The following NAA20 variants were observed in gnomAD, a reference collection of about 807,000 sequenced individuals.
The protein encoded by NAA20 is N-alpha-acetyltransferase 20, NatB catalytic subunit, also known as N-alpha-acetyltransferase 20.
Under a neutral mutation model 23.8 loss-of-function variants are expected in NAA20, and 24 were observed. The ratio of observed to expected loss-of-function variants is 1.01; its 90% confidence interval spans 0.73 to 1.42. The LOEUF is 1.42. NAA20 is among the 40% of genes most tolerant of loss of function. The pLI is 0.00. For missense variants in NAA20, 166 were observed against 223.1 expected (o/e 0.74, Z 1.63); for synonymous variants, 83 against 77.7 (o/e 1.07, Z -0.36).
chr20:20,018,312 C>T (rs1046701002), intron 1 of NAA20: 5 of 535,354 alleles, frequency 9.3e-6, no homozygotes, highest in Non-Finnish European at 1.3e-5. Flanking sequence ...CTGGATTCTG[C>T]AGTTAACATT....
At chr20:20,032,433 A>T (rs951074655) in intron 4 of NAA20, 75 bp from the exon 5 acceptor site, 20 of 1,421,616 alleles carry the variant, frequency 1.4e-5, no homozygotes, top group Middle Eastern at 2.2e-4. Context: ...AACACGTTTT[A>T]AAAAAAATAT....
rs2043276439 is a variant in NAA20 at position 20,022,539 on chromosome 20, CAG to C, written c.78+61_78+62del. On this transcript the variant is annotated intron_variant, in intron 2 of 5. Coordinates refer to ENST00000334982, the MANE Select transcript of NAA20 (RefSeq NM_016100.5). The stretch of plus-strand genomic sequence containing the variant: ...GAAGATTTACTGAGAATAAAGAAAA[CAG>C]AAATGAAAGGAAAACAGAGGAGTAC... 6.3e-6 allele frequency: 9 copies of C among 1,424,050 alleles called. 1 individual carries two copies. The highest frequency in any genetic ancestry group is 4.7e-5 in the Admixed American group (2 of 42,528). 88.2% of individuals were successfully genotyped at this position (1,424,050 alleles called of 1,614,324 possible).
intron 4 of NAA20, among the ~76,000 whole-genome samples, chr20:20,031,279 C>T (rs956790135): frequency 1.3e-5 from 2 of 151,946 alleles, no homozygotes; most frequent in African/African-American, 4.8e-5. Flanking sequence ...AGAAACAGAC[C>T]CAAGAATATA....
chr20:20,017,806 C>T, intron 1 of NAA20: 1 of 1,459,974 alleles, frequency 6.8e-7, no homozygotes, highest in Non-Finnish European at 9.0e-7. Context: ...AGCCCACGAC[C>T]TGGGCTTCTC....
intron 1 of NAA20, among the ~76,000 whole-genome samples, chr20:20,019,088 C>T (rs1388852695): frequency 4.6e-5 from 7 of 152,230 alleles, no homozygotes; most frequent in African/African-American, 1.4e-4. Context: ...TCCTTTCTAT[C>T]CTCCTGACCC....
chr20:20,030,644 T>C (rs56731355), intron 4 of NAA20, among the ~76,000 whole-genome samples: 14,116 of 151,958 alleles, frequency 0.093, 1,565 homozygotes, highest in East Asian at 0.61. Context: ...AATATAAATA[T>C]TTAGAATTAA....
rs1448604994 is a variant in NAA20 at position 20,033,361 on chromosome 20, T to C, written c.*174T>C. The C allele has an allele frequency of 1.8e-6, 1 of 570,782 alleles. No individual in the cohort carries two copies. The highest frequency in any genetic ancestry group is 1.9e-5 in the African/African-American group (1 of 53,506). The allele number at this position is 570,782 out of a possible 1,614,324, so 35.4% of individuals were successfully genotyped here. On this transcript the variant is annotated 3_prime_UTR_variant, in exon 6 of 6. Transcript: ENST00000334982. Reference sequence around the variant, plus strand: ...ATCTCATTGTTTCCAGTTAGCAATATCATACCTATTAAAGCTGTTCATTGT... The same window carrying C: ...ATCTCATTGTTTCCAGTTAGCAATACCATACCTATTAAAGCTGTTCATTGT...
intron 4 of NAA20, 54 bp from the exon 5 acceptor site, chr20:20,032,454 C>T: frequency 6.4e-7 from 1 of 1,564,564 alleles, no homozygotes; most frequent in Non-Finnish European, 8.7e-7. Context: ...GTATCTATTA[C>T]TTTCTAGGGT....
chr20:20,021,664 T>C (rs961713507), intron 1 of NAA20, among the ~76,000 whole-genome samples: 7 of 152,238 alleles, frequency 4.6e-5, no homozygotes, highest in Non-Finnish European at 7.3e-5. Context: ...CCAAACAGTT[T>C]AAGAACTGCT....
At chr20:20,017,864 G>A in intron 1 of NAA20, 1 of 1,568,950 alleles carries the variant, frequency 6.4e-7, no homozygotes, top group Non-Finnish European at 8.6e-7. Flanking sequence ...CGCCTCTTCT[G>A]GGCAGAGGGC....
chr20:20,018,769 G>T (rs1206486971), intron 1 of NAA20: 2 of 365,224 alleles, frequency 5.5e-6, no homozygotes, highest in Non-Finnish European at 7.6e-6. Context: ...GAGTGCCCAC[G>T]TAATAATCCA....
intron 4 of NAA20, among the ~76,000 whole-genome samples, chr20:20,027,277 C>G (rs1188391562): frequency 6.6e-6 from 1 of 152,148 alleles, no homozygotes; most frequent in Non-Finnish European, 1.5e-5. Context: ...TAGCAGTGCT[C>G]CTCGGCCAAA....
chr20:20,021,959 C>T (rs759626338), intron 1 of NAA20, among the ~76,000 whole-genome samples: 30 of 151,958 alleles, frequency 2.0e-4, no homozygotes, highest in Non-Finnish European at 3.8e-4. Context: ...ATGGTGGGGA[C>T]AGGGAGGTGG....
intron 4 of NAA20, among the ~76,000 whole-genome samples, chr20:20,030,015 C>T (rs919173066): frequency 6.6e-6 from 1 of 152,176 alleles, no homozygotes; most frequent in African/African-American, 2.4e-5. Context: ...AAAATCTTTT[C>T]ACGAAGAAAG....
intron 4 of NAA20, among the ~76,000 whole-genome samples, chr20:20,029,841 T>C (rs2043330809): frequency 6.6e-6 from 1 of 152,192 alleles, no homozygotes; most frequent in South Asian, 2.1e-4. Context: ...ATAGTAAATA[T>C]TCAGGCATTA....
At position 20,017,372 on chromosome 20, in the gene NAA20, G is replaced by C; in HGVS notation, c.-25G>C. On this transcript the variant is annotated 5_prime_UTR_variant, in exon 1 of 6. Coordinates refer to ENST00000334982, the MANE Select transcript of NAA20 (RefSeq NM_016100.5). Reference sequence around the variant, plus strand: ...GGGCGGGCGCGGGGTCTTGGCGAACGGTCTTCGGAAGCGGCGGCGGCGCGA... The same window carrying C: ...GGGCGGGCGCGGGGTCTTGGCGAACCGTCTTCGGAAGCGGCGGCGGCGCGA... 3.1e-6 allele frequency: 5 copies of C among 1,610,906 alleles called. No individual in the cohort carries two copies. Among genetic ancestry groups the C allele is most frequent in the Non-Finnish European group, 4.2e-6 (5 of 1,179,118 alleles).
intron 2 of NAA20, among the ~76,000 whole-genome samples, chr20:20,024,169 A>G (rs573860079): frequency 6.6e-6 from 1 of 152,238 alleles, no homozygotes; most frequent in Non-Finnish European, 1.5e-5. Flanking sequence ...GAGTTATACC[A>G]TTACAAACAT....
Position 20,023,299 on chromosome 20 carries a change from C to T in NAA20, c.78+819C>T, listed in dbSNP as rs183865233. Among the ~76,000 whole-genome samples, 768 of 140,036 alleles carry T rather than the reference C, an allele frequency of 5.5e-3. 5 individuals carry two copies. The highest frequency in any genetic ancestry group is 0.018 in the African/African-American group (693 of 38,150). 91.9% of individuals were successfully genotyped at this position (140,036 alleles called of 152,430 possible). A position where few individuals can be genotyped will look rare whatever the true frequency, so the allele number is the denominator to read the frequency against. ...ACTCCAGCCTGGGCTACATGTAGAG[C>T]GAGACTCCGTCTCAAAAAAAAAAAA... On this transcript the variant is annotated intron_variant, in intron 2 of 5. Coordinates refer to ENST00000334982, the MANE Select transcript of NAA20 (RefSeq NM_016100.5).
chr20:20,020,346 C>T (rs2043258880), intron 1 of NAA20, among the ~76,000 whole-genome samples: 1 of 152,118 alleles, frequency 6.6e-6, no homozygotes, highest in South Asian at 2.1e-4. Flanking sequence ...AGGGAGACTG[C>T]CCTTGAAGAA....
Sources: allele counts gnomAD v4.1 joint callset (sites outside exome capture counted in the v4.1 genomes callset), GRCh38; gene constraint gnomAD v4.1.1; transcripts MANE v1.5; gene names NCBI Gene and HGNC (gene_info 2026-07-23, HGNC 2026-07-21).